Variants in VCAN observed in about 807,000 individuals in gnomAD.
VCAN encodes versican.
In VCAN, 44 loss-of-function variants were observed where a neutral mutation model predicts 245.5. The observed-to-expected ratio is 0.18, with a 90% CI of 0.14 to 0.23. The LOEUF is 0.23. VCAN is among the 10% of genes least tolerant of loss of function. The pLI, the probability that VCAN is intolerant of heterozygous loss-of-function variation, is 1.00. For synonymous variants in VCAN, 1,413 were observed against 1,437.0 expected, an observed-to-expected ratio of 0.98 and a Z score of 0.38; for missense variants, 3,793 against 4,057.9, an observed-to-expected ratio of 0.93 and a Z score of 1.77.
chr5:83,512,292 C>T lies in VCAN; in HGVS notation c.938C>T (p.Ala313Val), dbSNP rs1745690556. 1.2e-6 allele frequency: 2 copies of T among 1,613,972 alleles called. No individual in the cohort carries two copies. The highest frequency in any genetic ancestry group is 1.3e-5 in the African/African-American group (1 of 74,914). ...CGCCACCCTGTGACTGTGGCCAGGG[C>T]CCAGTGTGGAGGTGGTCTACTTGGG... Reference protein sequence around the residue: ...SVRHPVTVARAQCGGGLLGVR... With the variant: ...SVRHPVTVARVQCGGGLLGVR... Residue 313 changes from alanine (A) to valine (V), a missense_variant, in exon 6 of 15, where the codon GCC becomes GTC. By Grantham distance (64) the Ala-to-Val change is moderately conservative (BLOSUM62 0). Transcript: ENST00000265077.
rs774497812 is a variant in VCAN, at chr5:83,541,002, G to C, written c.7999G>C (p.Gly2667Arg). ...YEDRSQLDHM[G>R]FHFTTGIPAP... ...AGATAGAAGCCAACTAGATCACATG[G>C]GCTTTCACTTCACAACTGGGATCCC... Residue 2667 changes from glycine to arginine, a missense_variant, in exon 8 of 15, where the codon GGC (glycine) becomes CGC (arginine). Gly to Arg is a moderately radical substitution (Grantham distance 125). Coordinates refer to ENST00000265077, the MANE Select transcript of VCAN (RefSeq NM_004385.5). 12 of 1,613,962 alleles carry C rather than the reference G, an allele frequency of 7.4e-6. No individual in the cohort carries two copies. The South Asian group carries it at 9.9e-5, about 13-fold the overall frequency.
At position 83,522,287 on chromosome 5, in the gene VCAN, T is replaced by G. The variant is rs763733726; in HGVS notation, c.3981T>G (p.Ile1327Met). Residue 1327 changes from isoleucine to methionine, a missense_variant, in exon 7 of 15, where the codon ATT becomes ATG. Ile to Met is a conservative substitution (Grantham distance 10). Coordinates refer to ENST00000265077, the MANE Select transcript of VCAN (RefSeq NM_004385.5). The stretch of plus-strand genomic sequence containing the variant: ...ACCCTGACATTAATGTTTATATTAT[T>G]GAGGTCAGAGAAAATAAGACAGGTA... The part of the protein sequence containing the change: ...KFHPDINVYI[I>M]EVRENKTGRM... The G allele has an allele frequency of 5.0e-6, 8 of 1,598,960 alleles. No homozygotes were observed. In the South Asian group the frequency reaches 8.8e-5, roughly 18 times the overall value.
intron 6 of VCAN, among the ~76,000 whole-genome samples, chr5:83,515,355 A>G (rs1359887972): frequency 1.3e-5 from 2 of 152,370 alleles, no homozygotes; most frequent in East Asian, 3.9e-4. Context: ...AATGTGATTA[A>G]TTATCTCCAG....
At chr5:83,552,664 A>T (rs1580060351) in intron 10 of VCAN, among the ~76,000 whole-genome samples, 1 of 152,188 alleles carries the variant, frequency 6.6e-6, no homozygotes, top group South Asian at 2.1e-4. Flanking sequence ...ACACACACAC[A>T]CATATGTATA....
intron 2 of VCAN, among the ~76,000 whole-genome samples, chr5:83,487,498 A>G (rs565867195): frequency 1.8e-4 from 28 of 152,278 alleles, no homozygotes; most frequent in African/African-American, 6.5e-4. Flanking sequence ...AAACATGCAT[A>G]CTCTGTAAAC....
chr5:83,576,847 A>G (rs575009207), intron 13 of VCAN, among the ~76,000 whole-genome samples: 2 of 152,226 alleles, frequency 1.3e-5, no homozygotes, highest in South Asian at 2.1e-4. Flanking sequence ...ATATTTATCA[A>G]TCACTTGAAG....
At position 83,537,335 on chromosome 5, in the gene VCAN, G is replaced by C. The variant is rs753117271; in HGVS notation, c.4332G>C (p.Ser1444=). The part of the protein sequence containing the change: ...FESVAPSQNF[S]DSSESDTHPF... ...GTGTTGCACCTTCTCAGAATTTCTC[G>C]GACAGCTCTGAAAGTGATACTCATC... is the stretch of plus-strand genomic sequence containing the variant. The change falls in exon 8 of 15, where the codon TCG becomes TCC. Residue 1444 remains serine, a synonymous_variant. Transcript: ENST00000265077. The C allele has an allele frequency of 1.2e-6, 2 of 1,613,778 alleles. No homozygotes were observed. Among genetic ancestry groups the C allele is most frequent in the African/African-American group, 1.3e-5 (1 of 74,856 alleles).
rs1212873741 is a variant in VCAN at position 83,545,539 on chromosome 5, C to A, written c.9268C>A (p.Pro3090Thr). Residue 3090 changes from proline to threonine, a missense_variant and splice_region_variant, in exon 9 of 15, where the codon CCT becomes ACT. Pro to Thr is a conservative substitution (Grantham distance 38). Around this residue, in one of 5 missense-constraint regions of VCAN, gnomAD observed 3,182 missense variants for 3,250.3 expected, o/e 0.98. Transcript: ENST00000265077. The part of the protein sequence containing the change: ...VEGTAIYLPG[P>T]DRCKMNPCLN... Reference sequence around the variant, plus strand: ...TCTTACTTTCCTGAATATGGTAGGACCTGATCGCTGCAAAATGAACCCGTG... The same window carrying A: ...TCTTACTTTCCTGAATATGGTAGGAACTGATCGCTGCAAAATGAACCCGTG... The A allele has an allele frequency of 1.2e-6, 2 of 1,613,674 alleles. No homozygotes were observed. The highest frequency in any genetic ancestry group is 3.3e-5 in the Admixed American group (2 of 59,998).
At chr5:83,502,433 T>G (rs1048394945) in intron 5 of VCAN, among the ~76,000 whole-genome samples, 23 of 152,216 alleles carry the variant, frequency 1.5e-4, no homozygotes, top group African/African-American at 5.3e-4. Flanking sequence ...CCTGAGGTCA[T>G]TCTGTGCCTG....
Position 83,540,073 on chromosome 5 carries a change from A to G in VCAN, c.7070A>G (p.His2357Arg). The G allele has an allele frequency of 6.2e-7, 1 of 1,614,066 alleles. No individual in the cohort carries two copies. Among genetic ancestry groups the G allele is most frequent in the South Asian group, 1.1e-5 (1 of 91,088 alleles). Residue 2357 changes from histidine to arginine, a missense_variant, in exon 8 of 15, where the codon CAT becomes CGT. Physicochemically the swap from His to Arg is conservative, Grantham distance 29. Coordinates refer to ENST00000265077, the MANE Select transcript of VCAN (RefSeq NM_004385.5). ...APLPFSTDIG[H>R]PQNQTVRWAE... ...CTCCCTTTCTCCACGGACATCGGAC[A>G]TCCTCAAAATCAGACTGTCAGGTGG...
chr5:83,524,294 C>A (rs1339881815), intron 7 of VCAN, among the ~76,000 whole-genome samples: 2 of 152,028 alleles, frequency 1.3e-5, no homozygotes, highest in African/African-American at 4.8e-5. Flanking sequence ...TTCAGCTAGA[C>A]CTGGGAGACG....
intron 3 of VCAN, among the ~76,000 whole-genome samples, chr5:83,491,581 CTCTT>C (rs1213980050): frequency 1.3e-5 from 2 of 152,142 alleles, no homozygotes; most frequent in Non-Finnish European, 1.5e-5. Flanking sequence ...CTCTCTCTCT[CTCTT>C]CTGTTTACGT....
At chr5:83,562,483 A>C (rs1241631416) in intron 12 of VCAN, among the ~76,000 whole-genome samples, 1 of 152,164 alleles carries the variant, frequency 6.6e-6, no homozygotes, top group African/African-American at 2.4e-5. Context: ...TTTACTCACT[A>C]CTGGAAAATC....
In VCAN at chr5:83,521,122, C is replaced by T. The variant is rs1746076053; in HGVS notation, c.2816C>T (p.Thr939Ile). The T allele has an allele frequency of 1.2e-6, 2 of 1,614,138 alleles. No individual in the cohort carries two copies. Among genetic ancestry groups the T allele is most frequent in the East Asian group, 2.2e-5 (1 of 44,888 alleles). Residue 939 changes from threonine (T) to isoleucine (I), a missense_variant, in exon 7 of 15, where the codon ACT (threonine) becomes ATT (isoleucine). Around this residue, in one of 5 missense-constraint regions of VCAN, gnomAD observed 3,182 missense variants for 3,250.3 expected, o/e 0.98. Coordinates refer to ENST00000265077, the MANE Select transcript of VCAN (RefSeq NM_004385.5). ...GTGGACCTCTCTAAGCCAGTATCTACTGTTCCCCAATTTGCACACACTTCA... is the reference window on the plus strand; with the variant it reads ...GTGGACCTCTCTAAGCCAGTATCTATTGTTCCCCAATTTGCACACACTTCA... Reference protein sequence around the residue: ...EDVDLSKPVSTVPQFAHTSEV... With the variant: ...EDVDLSKPVSIVPQFAHTSEV...
rs2077645226 is a variant in VCAN at position 83,580,861 on chromosome 5, C to T, written c.*427C>T. The T allele has an allele frequency of 4.1e-6, 1 of 242,886 alleles. No individual in the cohort carries two copies. The highest frequency in any genetic ancestry group is 5.3e-5 in the South Asian group (1 of 18,868). 15.0% of individuals were successfully genotyped at this position (242,886 alleles called of 1,614,324 possible). A position where few individuals can be genotyped will look rare whatever the true frequency, so the allele number is the denominator to read the frequency against. On this transcript the variant is annotated 3_prime_UTR_variant, in exon 15 of 15. Transcript: ENST00000265077. ...GCATATTTAATGATGATTATGGAGC[C>T]TTAGAGGTCTTTAATCATTGGTTCG...
In VCAN at chr5:83,540,426, A is replaced by G. The variant is rs1373639861; in HGVS notation, c.7423A>G (p.Lys2475Glu). 1 of 1,613,906 alleles carries G rather than the reference A, an allele frequency of 6.2e-7. No homozygotes were observed. Among genetic ancestry groups the G allele is most frequent in the African/African-American group, 1.3e-5 (1 of 74,912 alleles). ...LEKHPEVPSA[K>E]AVTADGFPTV... ...AAAACATCCTGAGGTGCCAAGCGCT[A>G]AAGCTGTTACTGCTGATGGATTCCC... Residue 2475 changes from lysine (K) to glutamate (E), a missense_variant, in exon 8 of 15, where the codon AAA becomes GAA. Around this residue, in one of 5 missense-constraint regions of VCAN, gnomAD observed 3,182 missense variants for 3,250.3 expected, o/e 0.98. Transcript: ENST00000265077.
chr5:83,498,243 T>G (rs996480672), intron 5 of VCAN, among the ~76,000 whole-genome samples: 2 of 152,206 alleles, frequency 1.3e-5, no homozygotes, highest in Non-Finnish European at 2.9e-5. Context: ...TTACCATCTC[T>G]GAACCTTGAA....
At chr5:83,562,030 C>T (rs914575103) in intron 12 of VCAN, 15 of 152,126 alleles carry the variant, frequency 9.9e-5, no homozygotes, top group African/African-American at 3.6e-4. Context: ...CCTTTTCCTA[C>T]CTGAAGATCT....
At chr5:83,549,843 AT>A (rs1020236774) in intron 10 of VCAN, among the ~76,000 whole-genome samples, 1 of 152,080 alleles carries the variant, frequency 6.6e-6, no homozygotes, top group Admixed American at 6.6e-5. Flanking sequence ...ATACTGAAAG[AT>A]TTTTTTCCTC....
Sources: gnomAD v4.1 joint callset for allele counts (sites outside exome capture counted in the v4.1 genomes callset) on GRCh38, gnomAD v4.1.1 for gene constraint, gnomAD v4.1.1 regional missense constraint, MANE v1.5 for transcripts, NCBI Gene and HGNC (gene_info 2026-07-23, HGNC 2026-07-21) for gene names.